Variants in FHIT observed in about 807,000 individuals in gnomAD.
FHIT encodes the protein bis(5'-adenosyl)-triphosphatase.
FHIT carries 19 observed loss-of-function variants against 17.9 expected under a neutral mutation model. That is an observed-to-expected ratio of 1.06 (90% CI 0.74 to 1.56). The LOEUF (loss-of-function observed/expected upper bound fraction) is 1.56, where lower values mean the gene tolerates loss of function less well. Ranked by LOEUF, FHIT falls within the 40% of genes most tolerant of loss-of-function variation. The probability of loss-of-function intolerance (pLI) is 0.00; values close to 1 mark genes in which losing one functional copy is unlikely to be tolerated. For missense variants in FHIT, 248 were observed against 189.2 expected, an observed-to-expected ratio of 1.31 and a Z score of -1.82; for synonymous variants, 81 against 69.7, an observed-to-expected ratio of 1.16 and a Z score of -0.81.
At chr3:61,206,233 G>C (rs1162053571) in intron 1 of FHIT, among the ~76,000 whole-genome samples, 3 of 132,164 alleles carry the variant, frequency 2.3e-5, no homozygotes, top group Non-Finnish European at 4.8e-5. Flanking sequence ...TTGTAGTATA[G>C]TTTGAAGTCA....
intron 2 of FHIT, among the ~76,000 whole-genome samples, chr3:61,062,761 C>A (rs2034471855): frequency 6.6e-6 from 1 of 152,146 alleles, no homozygotes; most frequent in Admixed American, 6.5e-5. Context: ...TTAAGTGGAT[C>A]TGATTCTATC....
chr3:60,288,871 T>G (rs6794630), intron 5 of FHIT, among the ~76,000 whole-genome samples: 6,157 of 152,226 alleles, frequency 0.04, 153 homozygotes, highest in Middle Eastern at 0.079. Context: ...CACAAATGTT[T>G]TGGGATACAT....
chr3:60,414,034 T>C (rs1315058851), intron 5 of FHIT, among the ~76,000 whole-genome samples: 1 of 152,040 alleles, frequency 6.6e-6, no homozygotes. Context: ...ATGAAGGAAA[T>C]AAATGAGGCA....
chr3:59,820,405 T>C (rs529773199), intron 8 of FHIT, among the ~76,000 whole-genome samples: 1 of 152,294 alleles, frequency 6.6e-6, no homozygotes, highest in East Asian at 1.9e-4. Context: ...CAGGGCACCA[T>C]GGTGATTCTG....
chr3:60,083,086 T>C (rs991033153), intron 5 of FHIT, among the ~76,000 whole-genome samples: 2 of 152,180 alleles, frequency 1.3e-5, no homozygotes, highest in African/African-American at 4.8e-5. Context: ...CTAGGATTTT[T>C]ATAGTTTAAG....
chr3:60,457,348 T>G (rs868440582), intron 5 of FHIT, among the ~76,000 whole-genome samples: 1 of 152,160 alleles, frequency 6.6e-6, no homozygotes, highest in East Asian at 1.9e-4. Context: ...CCCTATTTAA[T>G]AAATGGTGCT....
chr3:60,760,473 G>A (rs1341356000), intron 4 of FHIT, among the ~76,000 whole-genome samples: 12 of 152,216 alleles, frequency 7.9e-5, no homozygotes, highest in Admixed American at 5.9e-4. Context: ...GGGTGGAGTA[G>A]GGTCCTGCAG....
intron 3 of FHIT, among the ~76,000 whole-genome samples, chr3:60,868,456 T>A (rs371615685): frequency 1.3e-5 from 2 of 152,138 alleles, no homozygotes; most frequent in Admixed American, 1.3e-4. Flanking sequence ...TCACTCCCTA[T>A]TCTCTTCCTA....
chr3:61,149,449 A>G (rs898407202), intron 2 of FHIT, among the ~76,000 whole-genome samples: 1 of 151,896 alleles, frequency 6.6e-6, no homozygotes, highest in Admixed American at 6.5e-5. Flanking sequence ...TTTTATTTAT[A>G]TTATTAAAAA....
intron 5 of FHIT, among the ~76,000 whole-genome samples, chr3:60,047,286 T>C (rs1335807671): frequency 1.3e-5 from 2 of 152,204 alleles, no homozygotes; most frequent in Non-Finnish European, 2.9e-5. Flanking sequence ...CTGAGGTTAG[T>C]GGTCACACAC....
At chr3:60,355,308 C>T (rs1225610129) in intron 5 of FHIT, among the ~76,000 whole-genome samples, 1 of 152,114 alleles carries the variant, frequency 6.6e-6, no homozygotes, top group African/African-American at 2.4e-5. Flanking sequence ...ATTATTACTG[C>T]CATCAATTGG....
chr3:60,970,028 T>C (rs1365354045), intron 3 of FHIT, among the ~76,000 whole-genome samples: 1 of 152,108 alleles, frequency 6.6e-6, no homozygotes, highest in Non-Finnish European at 1.5e-5. Context: ...TTCGCCATGT[T>C]TTCCAGGCTG....
At chr3:60,134,887 CAG>C (rs1271545751) in intron 5 of FHIT, among the ~76,000 whole-genome samples, 1 of 152,034 alleles carries the variant, frequency 6.6e-6, no homozygotes, top group Non-Finnish European at 1.5e-5. Flanking sequence ...CCACCTCCAG[CAG>C]AGTCTGCCTT....
chr3:60,631,635 C>T (rs72872726), intron 4 of FHIT, among the ~76,000 whole-genome samples: 259 of 152,212 alleles, frequency 1.7e-3, no homozygotes, highest in African/African-American at 6.0e-3. Flanking sequence ...CTTTCATCTC[C>T]GGAGGCACTG....
At chr3:60,014,191 G>A in intron 5 of FHIT, 39 bp from the exon 6 acceptor site, 5 of 1,610,066 alleles carry the variant, frequency 3.1e-6, no homozygotes, top group African/African-American at 1.3e-5. Flanking sequence ...TGCTGGCTTT[G>A]GGTAGTGTTC....
At chr3:61,108,891 C>T (rs1176941692) in intron 2 of FHIT, among the ~76,000 whole-genome samples, 1 of 152,116 alleles carries the variant, frequency 6.6e-6, no homozygotes, top group East Asian at 1.9e-4. Context: ...GAGCCCAGAA[C>T]CAGCTTCACA....
chr3:60,494,144 A>G (rs76778230), intron 5 of FHIT, among the ~76,000 whole-genome samples: 8,524 of 152,202 alleles, frequency 0.056, 271 homozygotes, highest in Middle Eastern at 0.16. Flanking sequence ...CTTTCACCAT[A>G]TCTGTTTCCA....
chr3:60,544,478 T>C (rs1305761497), intron 4 of FHIT, among the ~76,000 whole-genome samples: 2 of 152,116 alleles, frequency 1.3e-5, no homozygotes, highest in Admixed American at 6.6e-5. Flanking sequence ...TCACTATTCT[T>C]TCCCTATTAT....
chr3:60,584,605 G>A (rs1365365231), intron 4 of FHIT, among the ~76,000 whole-genome samples: 3 of 151,894 alleles, frequency 2.0e-5, no homozygotes, highest in Non-Finnish European at 4.4e-5. Context: ...AATCATTTTT[G>A]CATAGGATCA....
Sources: allele counts gnomAD v4.1 joint callset (sites outside exome capture counted in the v4.1 genomes callset), GRCh38; gene constraint gnomAD v4.1.1; transcripts MANE v1.5; gene names NCBI Gene and HGNC (gene_info 2026-07-23, HGNC 2026-07-21).